The following COPB2 variants were observed in gnomAD, a reference collection of about 807,000 sequenced individuals.
COPB2 encodes the protein coat protein complex I subunit beta 2.
A neutral mutation model predicts 120.8 loss-of-function variants in COPB2; 16 were observed. The observed-to-expected ratio is 0.13, with a 90% CI of 0.09 to 0.20. The LOEUF (loss-of-function observed/expected upper bound fraction) is 0.20. Ranked by LOEUF, COPB2 falls within the 10% of genes least tolerant of loss-of-function variation. The probability of loss-of-function intolerance (pLI) is 1.00; values close to 1 mark genes in which losing one functional copy is unlikely to be tolerated. For missense variants in COPB2, 794 were observed against 1,076.5 expected, an observed-to-expected ratio of 0.74 and a Z score of 3.67; for synonymous variants, 332 against 366.3, an observed-to-expected ratio of 0.91 and a Z score of 1.07.
At chr3:139,373,120 GA>G (rs1413533941) in intron 9 of COPB2, 92 bp downstream of exon 9, 11 of 1,260,838 alleles carry the variant, frequency 8.7e-6, no homozygotes, top group Non-Finnish European at 1.2e-5. Context: ...GGAATGATTA[GA>G]GATGCCAACC....
In COPB2 at chr3:139,359,103, C is replaced by G. The variant is rs1463927933; in HGVS notation, c.2379G>C (p.Glu793Asp). The change falls in exon 19 of 22, where the codon GAG (glutamate) becomes GAC (aspartate). Residue 793 changes from glutamate to aspartate, a missense_variant. Coordinates refer to ENST00000333188, the MANE Select transcript of COPB2 (RefSeq NM_004766.3). ...TTAATCCAGGGAACAGGTTTTCATACTCTGTTGGGTCAGCAAGGGATTCTG... is the reference window on the plus strand; with the variant it reads ...TTAATCCAGGGAACAGGTTTTCATAGTCTGTTGGGTCAGCAAGGGATTCTG... Reference protein sequence around the residue: ...KAAESLADPTEYENLFPGLKE... With the variant: ...KAAESLADPTDYENLFPGLKE... 1 of 1,614,160 alleles carries G rather than the reference C, an allele frequency of 6.2e-7. No homozygotes were observed.
rs537027836 is a variant in COPB2 at position 139,373,153 on chromosome 3, G to A, written c.1094+60C>T. 291 of 1,529,086 alleles carry A rather than the reference G, an allele frequency of 1.9e-4. 1 individual carries two copies. The South Asian group carries it at 2.9e-3, about 15-fold the overall frequency. The allele number at this position is 1,529,086 out of a possible 1,614,324, so 94.7% of individuals were successfully genotyped here. ...AACCACAGGGCAAGAGTGGACTGTGGATCTGCAAACCTGTTCTAACATACA... is the reference window on the plus strand; with the variant it reads ...AACCACAGGGCAAGAGTGGACTGTGAATCTGCAAACCTGTTCTAACATACA... On this transcript the variant is annotated intron_variant, in intron 9 of 21. Transcript: ENST00000333188.
chr3:139,385,624 T>C (rs1424672451), intron 1 of COPB2, among the ~76,000 whole-genome samples: 1 of 152,192 alleles, frequency 6.6e-6, no homozygotes, highest in Admixed American at 6.5e-5. Context: ...CAATGAAAAT[T>C]GGAAAAATTT....
At chr3:139,373,136 G>A in intron 9 of COPB2, 77 bp downstream of exon 9, 2 of 1,410,620 alleles carry the variant, frequency 1.4e-6, no homozygotes, top group Non-Finnish European at 2.0e-6. Flanking sequence ...CCAACCACAG[G>A]GCAAGAGTGG....
In COPB2 at chr3:139,374,490, A is replaced by T. The variant is rs1210490327; in HGVS notation, c.750T>A (p.Asp250Glu). Reference protein sequence around the residue: ...ELPIIITGSEDGTVRIWHSST... With the variant: ...ELPIIITGSEEGTVRIWHSST... ...AATAAACATACCCTTCTAACTTACCATCTTCTGAACCTGTGATAATGATTG... is the reference window on the plus strand; with the variant it reads ...AATAAACATACCCTTCTAACTTACCTTCTTCTGAACCTGTGATAATGATTG... The change falls in exon 7 of 22, where the codon GAT becomes GAA. Residue 250 changes from aspartate (D) to glutamate (E), a missense_variant and splice_region_variant. Coordinates refer to ENST00000333188, the MANE Select transcript of COPB2 (RefSeq NM_004766.3). 1.2e-6 allele frequency: 2 copies of T among 1,613,504 alleles called. No individual in the cohort carries two copies. The highest frequency in any genetic ancestry group is 2.7e-5 in the African/African-American group (2 of 74,916).
chr3:139,360,965 C>T (rs963819304), intron 17 of COPB2, 116 bp downstream of exon 17: 30 of 1,119,260 alleles, frequency 2.7e-5, no homozygotes, highest in South Asian at 1.1e-4. Context: ...CTGACTGCCC[C>T]GTCTATTCAA....
intron 16 of COPB2, 38 bp downstream of exon 16, chr3:139,362,369 T>C: frequency 2.1e-6 from 3 of 1,458,686 alleles, no homozygotes; most frequent in Non-Finnish European, 2.8e-6. Context: ...CCTACTGACT[T>C]TTCCATCAGT....
intron 15 of COPB2, among the ~76,000 whole-genome samples, chr3:139,365,358 C>A (rs1284792915): frequency 6.6e-6 from 1 of 152,104 alleles, no homozygotes; most frequent in Non-Finnish European, 1.5e-5. Flanking sequence ...TGGAACAATG[C>A]CTTCAAAATT....
rs1469517364 is a variant in COPB2 at position 139,385,383 on chromosome 3, T to C, written c.4-1948A>G. On this transcript the variant is annotated intron_variant, in intron 1 of 21. Transcript: ENST00000333188. ...AATCACAATTTTGTGCCCAGGTCAA[T>C]AGTGTCATATCAGGAAATATTCTGA... The C allele has an allele frequency of 2.6e-5, 4 of 152,178 alleles. No individual in the cohort carries two copies. The East Asian group carries it at 5.8e-4, about 22-fold the overall frequency. 9.4% of individuals were successfully genotyped at this position (152,178 alleles called of 1,614,324 possible).
chr3:139,372,333 T>C (rs575352007), intron 9 of COPB2, among the ~76,000 whole-genome samples: 52 of 152,316 alleles, frequency 3.4e-4, no homozygotes, highest in Admixed American at 7.8e-4. Flanking sequence ...CAGAGGATAT[T>C]TTAACATTTA....
intron 1 of COPB2, among the ~76,000 whole-genome samples, chr3:139,386,176 C>G (rs576710721): frequency 3.9e-5 from 6 of 152,278 alleles, no homozygotes; most frequent in African/African-American, 1.2e-4. Flanking sequence ...TTTAAAAGAT[C>G]AGAGTTCTCT....
intron 7 of COPB2, chr3:139,374,090 C>CG: frequency 4.5e-6 from 2 of 448,872 alleles, no homozygotes; most frequent in South Asian, 6.3e-5. Flanking sequence ...TGCTTTCTAC[C>CG]CACAATTTCT....
At chr3:139,388,660 C>T (rs1331452726) in intron 1 of COPB2, among the ~76,000 whole-genome samples, 1 of 137,858 alleles carries the variant, frequency 7.3e-6, no homozygotes. Context: ...CGGAGTCTTG[C>T]TCTGTCCCAG....
chr3:139,365,560 G>A (rs1409314436), intron 15 of COPB2, among the ~76,000 whole-genome samples: 1 of 152,158 alleles, frequency 6.6e-6, no homozygotes, highest in Non-Finnish European at 1.5e-5. Context: ...GGAGATAGGG[G>A]TATAAGAAAC....
chr3:139,363,267 C>T (rs914711872), intron 15 of COPB2, among the ~76,000 whole-genome samples: 22 of 152,136 alleles, frequency 1.4e-4, no homozygotes, highest in African/African-American at 5.3e-4. Context: ...GGAATCAGGC[C>T]GCACAGCAGA....
intron 1 of COPB2, chr3:139,384,935 C>G (rs1941886781): frequency 6.6e-6 from 1 of 152,216 alleles, no homozygotes; most frequent in Non-Finnish European, 1.5e-5. Flanking sequence ...GTTTTAGGGA[C>G]TCTTAAGGAA....
intron 10 of COPB2, among the ~76,000 whole-genome samples, chr3:139,370,431 T>C (rs1211732219): frequency 6.6e-6 from 1 of 152,248 alleles, no homozygotes; most frequent in African/African-American, 2.4e-5. Context: ...TTCTGGACTT[T>C]TCCACTTAAT....
chr3:139,360,289 C>A (rs1446465105), intron 17 of COPB2, among the ~76,000 whole-genome samples: 2 of 151,450 alleles, frequency 1.3e-5, no homozygotes, highest in African/African-American at 4.9e-5. Context: ...TTTGGGAGGA[C>A]GAGGCAGGCG....
At chr3:139,389,062 A>G (rs1236992490) in intron 1 of COPB2, among the ~76,000 whole-genome samples, 1 of 152,194 alleles carries the variant, frequency 6.6e-6, no homozygotes, top group East Asian at 1.9e-4. Context: ...CTGAGATATC[A>G]AAGCATTTGA....
Sources: gnomAD v4.1 joint callset for allele counts (sites outside exome capture counted in the v4.1 genomes callset) on GRCh38, gnomAD v4.1.1 for gene constraint, MANE v1.5 for transcripts, NCBI Gene and HGNC (gene_info 2026-07-23, HGNC 2026-07-21) for gene names.